Variants in SECISBP2L observed in about 807,000 individuals in gnomAD.
SECISBP2L encodes selenocysteine insertion sequence-binding protein 2-like.
A neutral mutation model predicts 114.7 loss-of-function variants in SECISBP2L; 43 were observed. That is an observed-to-expected ratio of 0.38 (90% CI 0.29 to 0.48). The LOEUF (loss-of-function observed/expected upper bound fraction) is 0.48. Ranked by LOEUF, SECISBP2L falls within the 20% of genes least tolerant of loss-of-function variation. SECISBP2L has a pLI of 0.98. For missense variants in SECISBP2L, 1,136 were observed against 1,301.1 expected (o/e 0.87, Z 1.95); for synonymous variants, 451 against 439.7 (o/e 1.03, Z -0.32).
At chr15:49,044,091 T>C (rs1903194604) in intron 1 of SECISBP2L, among the ~76,000 whole-genome samples, 1 of 152,070 alleles carries the variant, frequency 6.6e-6, no homozygotes, top group African/African-American at 2.4e-5. Flanking sequence ...ACTACCACAA[T>C]ACTATAATGA....
chr15:49,009,878 T>A (rs1902402158), intron 13 of SECISBP2L, among the ~76,000 whole-genome samples: 1 of 152,172 alleles, frequency 6.6e-6, no homozygotes, highest in Admixed American at 6.5e-5. Context: ...ATGCCTGTAA[T>A]CCCAGCACTT....
At chr15:49,024,302 C>T (rs1902698148) in intron 7 of SECISBP2L, among the ~76,000 whole-genome samples, 1 of 151,934 alleles carries the variant, frequency 6.6e-6, no homozygotes, top group Non-Finnish European at 1.5e-5. Context: ...TTGAGACCAG[C>T]CTGGCCAACA....
intron 2 of SECISBP2L, among the ~76,000 whole-genome samples, chr15:49,036,049 CAGAGT>C (rs1217232714): frequency 1.3e-5 from 2 of 152,200 alleles, no homozygotes; most frequent in African/African-American, 4.8e-5. Flanking sequence ...CTGTAAAGAA[CAGAGT>C]AAAGTGACCA....
chr15:49,017,415 T>C (rs760175034), intron 9 of SECISBP2L, 133 bp downstream of exon 9: 2 of 615,784 alleles, frequency 3.2e-6, no homozygotes, highest in African/African-American at 1.9e-5. Context: ...ATATTAAAGA[T>C]AGGTACTAAA....
chr15:49,011,609 GA>G, intron 13 of SECISBP2L, 121 bp downstream of exon 13: 1 of 1,161,270 alleles, frequency 8.6e-7, no homozygotes, highest in East Asian at 2.5e-5. Flanking sequence ...GAAGAATAAA[GA>G]GATTTATGTA....
intron 3 of SECISBP2L, 87 bp from the exon 4 acceptor site, chr15:49,033,187 T>C (rs1359611661): frequency 8.6e-6 from 12 of 1,402,894 alleles, no homozygotes; most frequent in Non-Finnish European, 1.2e-5. Flanking sequence ...AAATAAACAT[T>C]ATAAAATACA....
At chr15:48,993,763 A>C (rs1424982152) in intron 17 of SECISBP2L, among the ~76,000 whole-genome samples, 1 of 152,090 alleles carries the variant, frequency 6.6e-6, no homozygotes, top group East Asian at 1.9e-4. Flanking sequence ...CAGTGATGAC[A>C]AACTAAATTA....
chr15:49,037,500 G>A, intron 2 of SECISBP2L, 91 bp downstream of exon 2: 1 of 1,138,188 alleles, frequency 8.8e-7, no homozygotes, highest in Admixed American at 2.4e-5. Context: ...AATGGTTAAA[G>A]TCTAAAAGTT....
rs867112406 is a variant in SECISBP2L, at chr15:49,039,641, C to G, written c.25-1872G>C. Reference sequence around the variant, plus strand: ...CCTCAATCTCCTGGACTCAAGTGATCCTCCCACCTCAGCCTCCCAAGTAGT... The same window carrying G: ...CCTCAATCTCCTGGACTCAAGTGATGCTCCCACCTCAGCCTCCCAAGTAGT... On this transcript the variant is annotated intron_variant, in intron 1 of 17. Coordinates refer to ENST00000559471, the MANE Select transcript of SECISBP2L (RefSeq NM_001193489.2). Among the ~76,000 whole-genome samples, 4 of 150,600 alleles carry G rather than the reference C, an allele frequency of 2.7e-5. No individual in the cohort carries two copies. In the Middle Eastern group the frequency reaches 0.01, roughly 387 times the overall value.
intron 12 of SECISBP2L, among the ~76,000 whole-genome samples, chr15:49,012,220 A>C (rs1279043260): frequency 4.6e-5 from 7 of 152,186 alleles, no homozygotes; most frequent in African/African-American, 1.7e-4. Flanking sequence ...AATTATTTGG[A>C]CACGAATTAT....
In SECISBP2L at chr15:49,035,399, C is replaced by T; in HGVS notation, c.463G>A (p.Gly155Arg). The T allele has an allele frequency of 6.2e-7, 1 of 1,614,154 alleles. No individual in the cohort carries two copies. Among genetic ancestry groups the T allele is most frequent in the Non-Finnish European group, 8.5e-7 (1 of 1,180,022 alleles). Residue 155 changes from glycine to arginine, a missense_variant, in exon 3 of 18, where the codon GGA becomes AGA. Transcript: ENST00000559471. ...TECTERPSQL[G>R]QVFPLSSHRS... ...TGGCTGGACAATGGGAAGACCTGTC[C>T]AAGCTGACTTGGACGCTCAGTGCAT... is the stretch of plus-strand genomic sequence containing the variant.
intron 3 of SECISBP2L, 84 bp from the exon 4 acceptor site, chr15:49,033,184 C>T (rs1381301249): frequency 1.4e-6 from 2 of 1,429,376 alleles, no homozygotes; most frequent in Non-Finnish European, 1.9e-6. Flanking sequence ...CTAAAATAAA[C>T]ATTATAAAAT....
chr15:49,046,350 G>A lies in SECISBP2L; in HGVS notation c.-51C>T. 2 of 1,448,962 alleles carry A rather than the reference G, an allele frequency of 1.4e-6. No individual in the cohort carries two copies. Among genetic ancestry groups the A allele is most frequent in the Non-Finnish European group, 9.1e-7 (1 of 1,094,858 alleles). The allele number at this position is 1,448,962 out of a possible 1,614,324, so 89.8% of individuals were successfully genotyped here. On this transcript the variant is annotated 5_prime_UTR_variant, in exon 1 of 18. The change creates a premature stop within an existing upstream ORF in the 5' untranslated region. Transcript: ENST00000559471. ...CGCTAGTCGGTGTAAACAGCGCCTC[G>A]GGCCGCTTTCTCCATGGCCCCCCGC... is the stretch of plus-strand genomic sequence containing the variant.
In SECISBP2L at chr15:48,991,686, C is replaced by A. The variant is rs887494655; in HGVS notation, c.*558G>T. 2 of 152,574 alleles carry A rather than the reference C, an allele frequency of 1.3e-5. No homozygotes were observed. Among genetic ancestry groups the A allele is most frequent in the Non-Finnish European group, 1.5e-5 (1 of 68,280 alleles). 9.5% of individuals were successfully genotyped at this position (152,574 alleles called of 1,614,324 possible). On this transcript the variant is annotated 3_prime_UTR_variant, in exon 18 of 18. Transcript: ENST00000559471. ...GGCTCTGTTTTAGCCCATCCCAACA[C>A]TAATTAATTACAATAATCAGTGACT...
chr15:49,016,104 G>A (rs759321360), intron 11 of SECISBP2L, among the ~76,000 whole-genome samples: 4 of 152,202 alleles, frequency 2.6e-5, no homozygotes, highest in African/African-American at 4.8e-5. Flanking sequence ...CTGGCTTCAT[G>A]CCAAGTGAAA....
intron 13 of SECISBP2L, 129 bp from the exon 14 acceptor site, chr15:49,009,507 G>T: frequency 1.2e-6 from 1 of 814,496 alleles, no homozygotes; most frequent in Non-Finnish European, 1.9e-6. Flanking sequence ...AAGCTAATAA[G>T]GTGGGCATTT....
intron 14 of SECISBP2L, among the ~76,000 whole-genome samples, chr15:49,007,130 C>T (rs765878582): frequency 3.3e-5 from 5 of 152,228 alleles, no homozygotes; most frequent in Non-Finnish European, 7.3e-5. Flanking sequence ...GCGGAGGCTA[C>T]AGAACAGCAA....
At chr15:49,039,145 C>A (rs780164809) in intron 1 of SECISBP2L, among the ~76,000 whole-genome samples, 1 of 152,144 alleles carries the variant, frequency 6.6e-6, no homozygotes, top group East Asian at 1.9e-4. Context: ...TTCCTCCCTA[C>A]CTGATTTGAG....
chr15:49,031,908 G>A (rs1317648617), intron 4 of SECISBP2L, among the ~76,000 whole-genome samples: 3 of 152,098 alleles, frequency 2.0e-5, no homozygotes, highest in African/African-American at 7.2e-5. Context: ...AACCAAACCA[G>A]AAAACTTAGT....
Sources: gnomAD v4.1 joint callset for allele counts (sites outside exome capture counted in the v4.1 genomes callset) on GRCh38, gnomAD v4.1.1 for gene constraint, MANE v1.5 for transcripts, NCBI Gene and HGNC (gene_info 2026-07-23, HGNC 2026-07-21) for gene names.